The following IDUA variants were observed in gnomAD, a reference collection of about 807,000 sequenced individuals.
IDUA encodes iduronidase alpha-L-.
In IDUA, 65 loss-of-function variants were observed where a neutral mutation model predicts 68.9. The observed-to-expected ratio is 0.94, with a 90% confidence interval of 0.77 to 1.16. IDUA has a LOEUF of 1.16. Ranked by LOEUF, IDUA falls within the 50% of genes most tolerant of loss-of-function variation. IDUA has a pLI of 0.00. For missense variants in IDUA, 1,046 were observed against 938.0 expected, an observed-to-expected ratio of 1.12 and a Z score of -1.50; for synonymous variants, 529 against 433.6, an observed-to-expected ratio of 1.22 and a Z score of -2.73.
At chr4:988,983 AG>A in intron 2 of IDUA, 1 of 1,594,836 alleles carries the variant, frequency 6.3e-7, no homozygotes, top group East Asian at 2.3e-5. Context: ...TGTCTCTCAC[AG>A]GCGGGCTGCA....
intron 4 of IDUA, 171 bp from the exon 5 acceptor site, chr4:1,001,297 G>T: frequency 1.4e-6 from 1 of 705,156 alleles, no homozygotes; most frequent in South Asian, 1.6e-5. Context: ...CGCCGCCCAG[G>T]TCTTGGACCC....
chr4:1,001,182 C>G (rs976566560), intron 4 of IDUA, 193 bp downstream of exon 4: 1 of 613,374 alleles, frequency 1.6e-6, no homozygotes, highest in East Asian at 2.8e-5. Context: ...CTGGGGGGTA[C>G]TCCTGGGCTT....
At chr4:1,003,853 C>T (rs886742909) in intron 12 of IDUA, 159 bp from the exon 13 acceptor site, 25 of 818,640 alleles carry the variant, frequency 3.1e-5, no homozygotes, top group South Asian at 5.6e-5. Context: ...CGGGCTCCAG[C>T]CCTCTCCTGC....
At chr4:1,001,184 C>G (rs2153021814) in intron 4 of IDUA, 195 bp downstream of exon 4, 1 of 618,932 alleles carries the variant, frequency 1.6e-6, no homozygotes, top group South Asian at 1.9e-5. Context: ...GGGGGGTACT[C>G]CTGGGCTTGG....
chr4:988,635 TTC>T, intron 2 of IDUA: 1 of 1,379,702 alleles, frequency 7.2e-7, no homozygotes, highest in Non-Finnish European at 9.3e-7. Flanking sequence ...GGTTCTTGAT[TTC>T]TGAGTGTTTG....
rs1366970154 is a variant in IDUA at position 1,002,063 on chromosome 4, G to A, written c.874G>A (p.Asp292Asn). 6.3e-7 allele frequency: 1 copy of A among 1,594,894 alleles called. No individual in the cohort carries two copies. The highest frequency in any genetic ancestry group is 1.1e-5 in the South Asian group (1 of 87,806). ...QIRQLFPKFADTPIYNDEADP... is the reference protein window; with the variant it reads ...QIRQLFPKFANTPIYNDEADP... ...CCGGCAGCTCTTCCCCAAGTTCGCG[G>A]ACACCCCCATTTACAACGACGAGGC... is the stretch of plus-strand genomic sequence containing the variant. The change falls in exon 7 of 14, where the codon GAC becomes AAC. Residue 292 changes from aspartate (D) to asparagine (N), a missense_variant. Transcript: ENST00000514224.
At chr4:990,396 C>T (rs756739580) in intron 2 of IDUA, 2 of 1,535,718 alleles carry the variant, frequency 1.3e-6, no homozygotes, top group Non-Finnish European at 1.8e-6. Context: ...CAGCAGGCGC[C>T]TGGCGGGAGC....
At position 989,555 on chromosome 4, in the gene IDUA, G is replaced by A. The variant is rs933082796; in HGVS notation, c.299+1606G>A. On this transcript the variant is annotated intron_variant, in intron 2 of 13. Transcript: ENST00000514224. ...TCAGCCGGGCTCATCCGCCACAGCC[G>A]CGGGAGGTCCCACACCTTGCGCAGG... 1.8e-5 allele frequency: 28 copies of A among 1,578,498 alleles called. No homozygotes were observed. The highest frequency in any genetic ancestry group is 6.7e-5 in the African/African-American group (5 of 74,374).
intron 2 of IDUA, chr4:992,206 C>T (rs534135913): frequency 1.1e-5 from 5 of 459,002 alleles, no homozygotes; most frequent in Admixed American, 7.0e-5. Flanking sequence ...CCAGCTGCTC[C>T]GTGTCCACCT....
chr4:989,298 G>C (rs912693918), intron 2 of IDUA: 2 of 1,612,348 alleles, frequency 1.2e-6, no homozygotes, highest in Non-Finnish European at 1.7e-6. Context: ...TGTTGGCATA[G>C]TACAGCGGCC....
Position 1,002,015 on chromosome 4 carries a change from G to A in IDUA, c.826G>A (p.Glu276Lys). 1 of 1,596,766 alleles carries A rather than the reference G, an allele frequency of 6.3e-7. No individual in the cohort carries two copies. Among genetic ancestry groups the A allele is most frequent in the Non-Finnish European group, 8.5e-7 (1 of 1,173,452 alleles). ...CAGCTCCATCTCCATCCTGGAGCAGGAGAAGGTCGTCGCGCAGCAGATCCG... is the reference window on the plus strand; with the variant it reads ...CAGCTCCATCTCCATCCTGGAGCAGAAGAAGGTCGTCGCGCAGCAGATCCG... ...ARSSISILEQ[E>K]KVVAQQIRQL... The change falls in exon 7 of 14, where the codon GAG (glutamate) becomes AAG (lysine). Residue 276 changes from glutamate (E) to lysine (K), a missense_variant. Physicochemically the swap from Glu to Lys is moderately conservative, Grantham distance 56. Transcript: ENST00000514224.
At position 1,001,742 on chromosome 4, in the gene IDUA, T is replaced by C. The variant is rs869025584; in HGVS notation, c.653T>C (p.Leu218Pro). ...GLRAASPALR[L>P]GGPGDSFHTP... ...CGCGCCGCCAGCCCCGCCCTGCGGCTGGGAGGCCCCGGCGACTCCTTCCAC... is the reference window on the plus strand; with the variant it reads ...CGCGCCGCCAGCCCCGCCCTGCGGCCGGGAGGCCCCGGCGACTCCTTCCAC... Residue 218 changes from leucine to proline, a missense_variant, in exon 6 of 14, where the codon CTG becomes CCG. Coordinates refer to ENST00000514224, the MANE Select transcript of IDUA (RefSeq NM_000203.5). 25 of 1,599,196 alleles carry C rather than the reference T, an allele frequency of 1.6e-5. No individual in the cohort carries two copies. The highest frequency in any genetic ancestry group is 2.1e-5 in the Non-Finnish European group (25 of 1,178,218).
At chr4:989,277 G>A (rs764423360) in intron 2 of IDUA, 1 of 1,612,624 alleles carries the variant, frequency 6.2e-7, no homozygotes, top group South Asian at 1.1e-5. Flanking sequence ...GTGACTGCAG[G>A]AAGAAGTCCT....
chr4:987,300 CCT>C (rs1713809434), intron 1 of IDUA, 58 bp downstream of exon 1: 6 of 1,442,850 alleles, frequency 4.2e-6, no homozygotes, highest in Admixed American at 2.1e-5. Context: ...TCGGGCGCCC[CCT>C]GACTGCGCAC....
intron 2 of IDUA, chr4:992,002 G>A: frequency 1.5e-6 from 1 of 663,730 alleles, no homozygotes; most frequent in Non-Finnish European, 2.7e-6. Context: ...GCAGTGCTGA[G>A]GGGCGGCGTG....
intron 2 of IDUA, among the ~76,000 whole-genome samples, chr4:998,679 T>C (rs1714885869): frequency 6.6e-6 from 1 of 152,078 alleles, no homozygotes; most frequent in South Asian, 2.1e-4. Flanking sequence ...CACCCTCAGA[T>C]GTCCAACTCC....
In IDUA at chr4:987,884, C is replaced by T. The variant is rs138932617; in HGVS notation, c.234C>T (p.Gly78=). Residue 78 remains glycine, a synonymous_variant, in exon 2 of 14, where the codon GGC becomes GGT. Coordinates refer to ENST00000514224, the MANE Select transcript of IDUA (RefSeq NM_000203.5). ...AGCAGCTCAACCTCGCCTATGTGGG[C>T]GCCGTCCCTCACCGCGGCATCAAGC... ...WDQQLNLAYV[G]AVPHRGIKQV... is the part of the protein sequence containing the mutation. The T allele has an allele frequency of 1.0e-3, 1,690 of 1,611,412 alleles. 2 individuals carry two copies. The highest frequency in any genetic ancestry group is 1.8e-3 in the Middle Eastern group (11 of 6,042).
intron 2 of IDUA, chr4:988,827 G>A: frequency 1.3e-6 from 2 of 1,578,184 alleles, no homozygotes; most frequent in East Asian, 2.3e-5. Context: ...GGCAGGCCTG[G>A]CCCTGCTACA....
At chr4:993,719 C>T (rs1714547704) in intron 2 of IDUA, among the ~76,000 whole-genome samples, 1 of 152,168 alleles carries the variant, frequency 6.6e-6, no homozygotes, top group Admixed American at 6.5e-5. Flanking sequence ...TCGAGTGCAG[C>T]AGCCTTCAAA....
Sources: gnomAD v4.1 joint callset for allele counts (sites outside exome capture counted in the v4.1 genomes callset) on GRCh38, gnomAD v4.1.1 for gene constraint, MANE v1.5 for transcripts, NCBI Gene and HGNC (gene_info 2026-07-23, HGNC 2026-07-21) for gene names.